Variants in RCOR1 observed in about 807,000 individuals in gnomAD.
RCOR1 encodes REST corepressor.
Under a neutral mutation model 64.0 loss-of-function variants are expected in RCOR1, and 12 were observed. That is an observed-to-expected ratio of 0.19 (90% CI 0.12 to 0.30). RCOR1 has a LOEUF of 0.30. Among genes scored for constraint, RCOR1 ranks in the 10% least tolerant of loss-of-function variants. The pLI, the probability that RCOR1 is intolerant of heterozygous loss-of-function variation, is 1.00. For synonymous variants in RCOR1, 279 were observed against 227.2 expected, an observed-to-expected ratio of 1.23 and a Z score of -2.05; for missense variants, 502 against 621.2, an observed-to-expected ratio of 0.81 and a Z score of 2.04.
At chr14:102,679,721 T>G (rs1895264343) in intron 2 of RCOR1, among the ~76,000 whole-genome samples, 1 of 152,146 alleles carries the variant, frequency 6.6e-6, no homozygotes, top group African/African-American at 2.4e-5. Context: ...TTCATGATCC[T>G]CCTGCCTCGG....
At chr14:102,595,047 A>G (rs953506709) in intron 2 of RCOR1, among the ~76,000 whole-genome samples, 2 of 152,246 alleles carry the variant, frequency 1.3e-5, no homozygotes, top group Non-Finnish European at 2.9e-5. Context: ...TCTGACATTC[A>G]TCGAAATATT....
At chr14:102,724,017 G>A (rs1014558072) in intron 11 of RCOR1, among the ~76,000 whole-genome samples, 1 of 152,076 alleles carries the variant, frequency 6.6e-6, no homozygotes, top group African/African-American at 2.4e-5. Flanking sequence ...ACTGACTTAA[G>A]TGAGTCAAGT....
intron 2 of RCOR1, among the ~76,000 whole-genome samples, chr14:102,638,175 T>A (rs1037236508): frequency 1.1e-4 from 17 of 152,176 alleles, no homozygotes; most frequent in Admixed American, 3.9e-4. Flanking sequence ...CATAAAATAG[T>A]CCAAGGACAT....
intron 2 of RCOR1, among the ~76,000 whole-genome samples, chr14:102,617,979 T>C (rs1487240797): frequency 3.3e-5 from 5 of 149,448 alleles, no homozygotes; most frequent in Admixed American, 6.6e-5. Flanking sequence ...TTTCTTTTTT[T>C]TTTTTTTTTG....
intron 2 of RCOR1, among the ~76,000 whole-genome samples, chr14:102,598,898 A>G (rs1051778412): frequency 6.6e-6 from 1 of 152,070 alleles, no homozygotes; most frequent in Non-Finnish European, 1.5e-5. Flanking sequence ...TAAAAACCTA[A>G]GTGCAGCCCT....
At position 102,719,470 on chromosome 14, in the gene RCOR1, A is replaced by C. The variant is rs370993233; in HGVS notation, c.1054-1537A>C. Among the ~76,000 whole-genome samples, 16 of 152,118 alleles carry C rather than the reference A, an allele frequency of 1.1e-4. No individual in the cohort carries two copies. In the East Asian group the frequency reaches 3.1e-3, roughly 29 times the overall value. ...TGTGTCCAAGTGTTCTCATTGTTCA[A>C]TTCCCACCTATGAGTGAGAACATGC... On this transcript the variant is annotated intron_variant, in intron 8 of 11. Coordinates refer to ENST00000262241, the MANE Select transcript of RCOR1 (RefSeq NM_015156.4).
chr14:102,628,895 T>C (rs1287497330), intron 2 of RCOR1, among the ~76,000 whole-genome samples: 2 of 146,514 alleles, frequency 1.4e-5, no homozygotes, highest in Non-Finnish European at 3.0e-5. Context: ...AACTTGCTCT[T>C]TTTTTTTTTT....
rs1346748734 is a variant in RCOR1 at position 102,660,618 on chromosome 14, A to G, written c.362-21277A>G. 5.3e-5 allele frequency among the ~76,000 whole-genome samples: 8 copies of G among 152,128 alleles called. No individual in the cohort carries two copies. In the East Asian group the frequency reaches 1.2e-3, roughly 22 times the overall value. On this transcript the variant is annotated intron_variant, in intron 2 of 11. Transcript: ENST00000262241. Reference sequence around the variant, plus strand: ...CTCCTGGCTTCAAGTGGTTCTCCCTACTTGGCCTCCCACAGTTTGATTAGA... The same window carrying G: ...CTCCTGGCTTCAAGTGGTTCTCCCTGCTTGGCCTCCCACAGTTTGATTAGA...
chr14:102,615,644 C>A (rs983485983), intron 2 of RCOR1, among the ~76,000 whole-genome samples: 5 of 152,064 alleles, frequency 3.3e-5, no homozygotes, highest in Admixed American at 3.3e-4. Flanking sequence ...GACAGGGTTT[C>A]TCCATGTTGG....
chr14:102,661,954 T>C (rs1833469692), intron 2 of RCOR1, among the ~76,000 whole-genome samples: 1 of 151,996 alleles, frequency 6.6e-6, no homozygotes, highest in African/African-American at 2.4e-5. Context: ...AGTGACAGGG[T>C]CTCACTTTGT....
chr14:102,710,730 G>A, intron 6 of RCOR1: 1 of 537,874 alleles, frequency 1.9e-6, no homozygotes, highest in Non-Finnish European at 3.3e-6. Flanking sequence ...CACTTAGACT[G>A]AAAGAACTAT....
chr14:102,716,981 G>A (rs1316875877), intron 8 of RCOR1, among the ~76,000 whole-genome samples: 1 of 152,114 alleles, frequency 6.6e-6, no homozygotes, highest in African/African-American at 2.4e-5. Context: ...CTATAGGTTT[G>A]TAATTTCTCT....
intron 2 of RCOR1, chr14:102,662,152 A>G (rs991536402): frequency 7.9e-6 from 3 of 381,848 alleles, no homozygotes; most frequent in Non-Finnish European, 1.5e-5. Flanking sequence ...CCAAGTCATT[A>G]AATGTACATA....
At chr14:102,692,194 T>C (rs1003647337) in intron 3 of RCOR1, among the ~76,000 whole-genome samples, 5 of 152,228 alleles carry the variant, frequency 3.3e-5, no homozygotes, top group African/African-American at 9.6e-5. Flanking sequence ...TATATTGATA[T>C]ATGTAGGGAT....
chr14:102,697,118 A>G (rs4900550), intron 3 of RCOR1, among the ~76,000 whole-genome samples: 38,036 of 152,082 alleles, frequency 0.25, 4,979 homozygotes, highest in African/African-American at 0.32. Flanking sequence ...AGGTCTGTCA[A>G]CAGCATTGCT....
chr14:102,626,255 C>T (rs78410639), intron 2 of RCOR1, among the ~76,000 whole-genome samples: 2,210 of 152,306 alleles, frequency 0.015, 49 homozygotes, highest in African/African-American at 0.051. Context: ...GGCTATGCCA[C>T]AACCTGTGTT....
At chr14:102,593,897 CTGGGG>C (rs1209856668) in intron 2 of RCOR1, among the ~76,000 whole-genome samples, 1 of 152,200 alleles carries the variant, frequency 6.6e-6, no homozygotes, top group African/African-American at 2.4e-5. Flanking sequence ...GGGCGCCTGC[CTGGGG>C]AAGAGAGTCT....
chr14:102,670,534 T>A (rs1951909759), intron 2 of RCOR1, among the ~76,000 whole-genome samples: 1 of 152,056 alleles, frequency 6.6e-6, no homozygotes, highest in African/African-American at 2.4e-5. Flanking sequence ...GTTCTCTGTT[T>A]ATACTTTTCA....
At chr14:102,627,172 C>T (rs1893997548) in intron 2 of RCOR1, among the ~76,000 whole-genome samples, 1 of 152,204 alleles carries the variant, frequency 6.6e-6, no homozygotes, top group African/African-American at 2.4e-5. Context: ...CTGTCTACAT[C>T]TGTGCCTGGT....
Sources: allele counts gnomAD v4.1 joint callset (sites outside exome capture counted in the v4.1 genomes callset), GRCh38; gene constraint gnomAD v4.1.1; transcripts MANE v1.5; gene names NCBI Gene and HGNC (gene_info 2026-07-23, HGNC 2026-07-21).